ANKRD45: variants seen among roughly 807,000 people sequenced by gnomAD.
ANKRD45 encodes ankyrin repeat domain 45, also known as ankyrin repeat domain-containing protein 45.
Under a neutral mutation model 28.1 loss-of-function variants are expected in ANKRD45, and 21 were observed. The observed-to-expected ratio is 0.75, with a 90% CI of 0.53 to 1.08. The LOEUF (loss-of-function observed/expected upper bound fraction) is 1.08, where lower values mean the gene tolerates loss of function less well. Among genes scored for constraint, ANKRD45 ranks in the 50% least tolerant of loss-of-function variants. ANKRD45 has a pLI of 0.00. For missense variants in ANKRD45, 261 were observed against 308.7 expected (o/e 0.85, Z 1.16); for synonymous variants, 86 against 103.9 (o/e 0.83, Z 1.05).
intron 1 of ANKRD45, among the ~76,000 whole-genome samples, chr1:173,668,596 T>C (rs1395084640): frequency 3.3e-5 from 5 of 152,136 alleles, no homozygotes; most frequent in African/African-American, 9.7e-5. Context: ...TCCAAGAAGA[T>C]ACCTGATAAC....
rs965302139 is a variant in ANKRD45 at position 173,609,019 on chromosome 1, A to T, written c.*1126T>A. 5.3e-5 allele frequency among the ~76,000 whole-genome samples: 8 copies of T among 151,366 alleles called. No individual in the cohort carries two copies. Among genetic ancestry groups the T allele is most frequent in the African/African-American group, 1.9e-4 (8 of 41,216 alleles). On this transcript the variant is annotated 3_prime_UTR_variant, in exon 6 of 6. Coordinates refer to ENST00000333279, the MANE Select transcript of ANKRD45 (RefSeq NM_198493.3). ...GGGAGAAGGAGGGTAAAAAAAAAAA[A>T]GGAGCAAACACAGGTCTTCTTTGTA...
chr1:173,711,280 A>T, the ANKRD45 span, among the ~76,000 whole-genome samples: 1 of 152,358 alleles, frequency 6.6e-6, no homozygotes, highest in South Asian at 2.1e-4. Flanking sequence ...CCTGTGACAC[A>T]GCCTCAGGAG....
intron 2 of ANKRD45, among the ~76,000 whole-genome samples, chr1:173,651,662 T>A (rs997123482): frequency 6.6e-6 from 1 of 152,188 alleles, no homozygotes; most frequent in African/African-American, 2.4e-5. Context: ...GGGGATGGCA[T>A]TGAATCTATA....
At chr1:173,644,579 G>A (rs541206850) in intron 3 of ANKRD45, among the ~76,000 whole-genome samples, 9 of 152,156 alleles carry the variant, frequency 5.9e-5, no homozygotes, top group African/African-American at 1.9e-4. Context: ...TATGAAGAAG[G>A]AAGCCAATAA....
At chr1:173,682,859 G>C in the ANKRD45 span, among the ~76,000 whole-genome samples, 1 of 152,184 alleles carries the variant, frequency 6.6e-6, no homozygotes, top group South Asian at 2.1e-4. Flanking sequence ...TGCTCTTTCA[G>C]TTTGGCCTGG....
the ANKRD45 span, among the ~76,000 whole-genome samples, chr1:173,696,278 CCT>C: frequency 6.6e-6 from 1 of 152,210 alleles, no homozygotes; most frequent in South Asian, 2.1e-4. Flanking sequence ...GGGTGGTTCC[CCT>C]GATAGGTCCC....
intron 3 of ANKRD45, among the ~76,000 whole-genome samples, chr1:173,640,092 G>C (rs1056656575): frequency 3.3e-5 from 5 of 152,098 alleles, no homozygotes; most frequent in Admixed American, 3.3e-4. Flanking sequence ...CCTTATTGAG[G>C]ATCAGGACAG....
chr1:173,696,124 C>T, the ANKRD45 span, among the ~76,000 whole-genome samples: 1 of 152,128 alleles, frequency 6.6e-6, no homozygotes, highest in Non-Finnish European at 1.5e-5. Flanking sequence ...TTTTATGGCT[C>T]AGGGGGCATG....
chr1:173,636,228 C>A (rs1353253431), intron 3 of ANKRD45, among the ~76,000 whole-genome samples: 2 of 152,158 alleles, frequency 1.3e-5, no homozygotes, highest in Non-Finnish European at 2.9e-5. Context: ...AGAACCCTTT[C>A]AGATGTATCT....
At chr1:173,640,723 GAC>G (rs1047742045) in intron 3 of ANKRD45, among the ~76,000 whole-genome samples, 2 of 152,056 alleles carry the variant, frequency 1.3e-5, no homozygotes, top group African/African-American at 2.4e-5. Flanking sequence ...CCCTCTAACT[GAC>G]ACAGTTATTC....
chr1:173,698,056 C>T, the ANKRD45 span, among the ~76,000 whole-genome samples: 1 of 151,266 alleles, frequency 6.6e-6, no homozygotes, highest in Non-Finnish European at 1.5e-5. Context: ...CAATAAAGAT[C>T]AAAAGAGACA....
At chr1:173,614,271 A>AT in intron 5 of ANKRD45, among the ~76,000 whole-genome samples, 3 of 151,494 alleles carry the variant, frequency 2.0e-5, no homozygotes, top group African/African-American at 7.3e-5. Flanking sequence ...TCAATAAAAA[A>AT]AAAAAAATAA....
rs1199759865 is a variant in ANKRD45 at position 173,638,527 on chromosome 1, T to TGC, written c.496+8318_496+8319insGC. Among the ~76,000 whole-genome samples, 264 of 151,478 alleles carry TGC rather than the reference T, an allele frequency of 1.7e-3. 3 individuals carry two copies. Among genetic ancestry groups the TGC allele is most frequent in the South Asian group, 0.013 (64 of 4,768 alleles). Reference sequence around the variant, plus strand: ...AACCTCCAGCAAGGAGCAAGGGGGGTTGAAAGCTCCAGGGAAAGGGCCTAT... The same window carrying TGC: ...AACCTCCAGCAAGGAGCAAGGGGGGTGCTGAAAGCTCCAGGGAAAGGGCCTAT... On this transcript the variant is annotated intron_variant, in intron 3 of 5. Coordinates refer to ENST00000333279, the MANE Select transcript of ANKRD45 (RefSeq NM_198493.3).
At chr1:173,614,473 G>T (rs1472367756) in intron 5 of ANKRD45, among the ~76,000 whole-genome samples, 1 of 152,046 alleles carries the variant, frequency 6.6e-6, no homozygotes, top group African/African-American at 2.4e-5. Flanking sequence ...AATAGTTATA[G>T]CTTCAGTAAA....
At chr1:173,615,383 CAAAAAA>C (rs60479508) in intron 5 of ANKRD45, among the ~76,000 whole-genome samples, 3 of 87,660 alleles carry the variant, frequency 3.4e-5, no homozygotes, top group African/African-American at 1.2e-4. Flanking sequence ...GACTCCGTCT[CAAAAAA>C]AAAAAAAAAA....
the ANKRD45 span, among the ~76,000 whole-genome samples, chr1:173,680,112 A>G: frequency 6.6e-6 from 1 of 152,224 alleles, no homozygotes; most frequent in African/African-American, 2.4e-5. Flanking sequence ...TAGTTCAACC[A>G]TTGCGGAAGA....
At chr1:173,643,470 C>T (rs1668792849) in intron 3 of ANKRD45, among the ~76,000 whole-genome samples, 2 of 152,098 alleles carry the variant, frequency 1.3e-5, no homozygotes. Context: ...TGCACCCAGG[C>T]TTCCTGAGAA....
chr1:173,686,827 C>T, the ANKRD45 span, among the ~76,000 whole-genome samples: 4 of 152,096 alleles, frequency 2.6e-5, no homozygotes, highest in Non-Finnish European at 5.9e-5. Context: ...CTAAATTTCA[C>T]CTTTATATTA....
At chr1:173,636,223 C>G (rs949149428) in intron 3 of ANKRD45, among the ~76,000 whole-genome samples, 7 of 152,062 alleles carry the variant, frequency 4.6e-5, no homozygotes, top group Non-Finnish European at 8.8e-5. Context: ...CTCTTAGAAC[C>G]CTTTCAGATG....
Sources: gnomAD v4.1 joint callset for allele counts (sites outside exome capture counted in the v4.1 genomes callset) on GRCh38, gnomAD v4.1.1 for gene constraint, MANE v1.5 for transcripts, NCBI Gene and HGNC (gene_info 2026-07-23, HGNC 2026-07-21) for gene names.